Variants in GNAQ observed in about 807,000 individuals in gnomAD.
GNAQ encodes G protein subunit alpha q, also known as guanine nucleotide-binding protein G(q) subunit alpha.
In GNAQ, 8 loss-of-function variants were observed where a neutral mutation model predicts 43.9. The ratio of observed to expected loss-of-function variants is 0.18; its 90% CI spans 0.11 to 0.33. The LOEUF (loss-of-function observed/expected upper bound fraction) is 0.33. GNAQ is among the 10% of genes least tolerant of loss of function. The pLI is 1.00. For missense variants in GNAQ, 158 were observed against 450.8 expected (o/e 0.35, Z 5.88); for synonymous variants, 155 against 170.7 (o/e 0.91, Z 0.71).
intron 1 of GNAQ, among the ~76,000 whole-genome samples, chr9:77,922,699 G>A (rs1829016234): frequency 6.6e-6 from 1 of 152,186 alleles, no homozygotes; most frequent in African/African-American, 2.4e-5. Flanking sequence ...GTTCCCTGGA[G>A]AATATCTGAA....
chr9:77,976,056 G>C (rs770113143), intron 1 of GNAQ, among the ~76,000 whole-genome samples: 1 of 152,176 alleles, frequency 6.6e-6, no homozygotes, highest in Non-Finnish European at 1.5e-5. Flanking sequence ...CCAGTTGCTA[G>C]CAAGCTCCAT....
At chr9:77,758,833 CG>C (rs1825944128) in intron 5 of GNAQ, among the ~76,000 whole-genome samples, 1 of 151,846 alleles carries the variant, frequency 6.6e-6, no homozygotes, top group African/African-American at 2.4e-5. Flanking sequence ...CATCTCTGCA[CG>C]TAAGTTTTTG....
At chr9:77,805,397 A>C (rs144943735) in intron 3 of GNAQ, among the ~76,000 whole-genome samples, 5 of 152,110 alleles carry the variant, frequency 3.3e-5, no homozygotes, top group East Asian at 1.9e-4. Flanking sequence ...TGTTCATAAG[A>C]AGCTTACTTT....
chr9:77,865,669 C>T (rs960288925), intron 2 of GNAQ, among the ~76,000 whole-genome samples: 28 of 152,190 alleles, frequency 1.8e-4, no homozygotes, highest in African/African-American at 6.8e-4. Context: ...CCAGCTCTGC[C>T]AGTCACAGTC....
At chr9:77,884,532 G>T (rs576540461) in intron 2 of GNAQ, among the ~76,000 whole-genome samples, 41 of 152,346 alleles carry the variant, frequency 2.7e-4, no homozygotes, top group Middle Eastern at 6.8e-3. Flanking sequence ...AAGGAGTTAG[G>T]AATCTGAGTT....
intron 3 of GNAQ, among the ~76,000 whole-genome samples, chr9:77,807,684 G>A (rs1034270597): frequency 6.6e-6 from 1 of 152,102 alleles, no homozygotes; most frequent in Admixed American, 6.6e-5. Context: ...GATATCTCTG[G>A]GTTAATTCAG....
At chr9:77,994,850 A>G (rs992930376) in intron 1 of GNAQ, among the ~76,000 whole-genome samples, 1 of 152,198 alleles carries the variant, frequency 6.6e-6, no homozygotes, top group Admixed American at 6.5e-5. Flanking sequence ...CTAGGCCTAA[A>G]TATGGGCCAT....
rs1314251387 is a variant in GNAQ, at chr9:77,896,209, AAG to A, written c.321+25950_321+25951del. On this transcript the variant is annotated intron_variant, in intron 2 of 6. Coordinates refer to ENST00000286548, the MANE Select transcript of GNAQ (RefSeq NM_002072.5). ...TTTTAAAAGTAGAAATTTACAACAA[AAG>A]AAGCTAAATTGGAACACTTGTGAAT... Among the ~76,000 whole-genome samples the A allele has an allele frequency of 2.6e-5, 4 of 152,332 alleles. No individual in the cohort carries two copies. In the East Asian group the frequency reaches 7.7e-4, roughly 29 times the overall value.
At chr9:77,996,141 G>A (rs1048704569) in intron 1 of GNAQ, among the ~76,000 whole-genome samples, 1 of 152,150 alleles carries the variant, frequency 6.6e-6, no homozygotes, top group Non-Finnish European at 1.5e-5. Context: ...AACTGCCAAT[G>A]GTCAGGACAG....
intron 2 of GNAQ, among the ~76,000 whole-genome samples, chr9:77,819,427 G>A (rs78123946): frequency 0.015 from 2,235 of 152,168 alleles, 50 homozygotes; most frequent in African/African-American, 0.051. Context: ...AAGCCTTTAG[G>A]TGAAATGAAA....
chr9:77,919,865 G>C (rs992405279), intron 2 of GNAQ, among the ~76,000 whole-genome samples: 10 of 152,150 alleles, frequency 6.6e-5, no homozygotes, highest in African/African-American at 2.4e-4. Flanking sequence ...CATGAGGCCG[G>C]GAGAGGTGGC....
chr9:77,975,818 G>C (rs1034932521), intron 1 of GNAQ, among the ~76,000 whole-genome samples: 1 of 152,152 alleles, frequency 6.6e-6, no homozygotes, highest in African/African-American at 2.4e-5. Context: ...TTACAGGCGT[G>C]AGCCACTGCG....
intron 2 of GNAQ, among the ~76,000 whole-genome samples, chr9:77,832,079 T>C (rs1286239383): frequency 8.1e-6 from 1 of 123,894 alleles, no homozygotes; most frequent in African/African-American, 2.5e-5. Flanking sequence ...TTTGGAGAGA[T>C]TAGAGCACTT....
intron 2 of GNAQ, 91 bp downstream of exon 2, chr9:77,922,070 T>A (rs1194002118): frequency 1.2e-6 from 1 of 809,272 alleles, no homozygotes; most frequent in Non-Finnish European, 2.0e-6. Flanking sequence ...CCCTATGCAC[T>A]CCAGACATGT....
intron 1 of GNAQ, among the ~76,000 whole-genome samples, chr9:78,000,792 A>G (rs1248120127): frequency 1.3e-5 from 2 of 152,190 alleles, no homozygotes; most frequent in African/African-American, 4.8e-5. Context: ...ATTTGGTAGA[A>G]CTTACTAAAA....
chr9:77,742,415 T>C (rs939648408), intron 5 of GNAQ, among the ~76,000 whole-genome samples: 2 of 152,190 alleles, frequency 1.3e-5, no homozygotes, highest in Non-Finnish European at 2.9e-5. Flanking sequence ...GGCTGTAAAG[T>C]GTTAAGGTTG....
intron 3 of GNAQ, among the ~76,000 whole-genome samples, chr9:77,810,638 A>G (rs1280032389): frequency 6.6e-6 from 1 of 152,228 alleles, no homozygotes; most frequent in African/African-American, 2.4e-5. Flanking sequence ...GCTTCATAAT[A>G]TTTAACAGCC....
At chr9:77,971,420 G>A (rs557003546) in intron 1 of GNAQ, among the ~76,000 whole-genome samples, 2 of 152,268 alleles carry the variant, frequency 1.3e-5, no homozygotes, top group South Asian at 4.1e-4. Context: ...ACATCAAAAA[G>A]CTTATCTACC....
chr9:77,800,024 G>A (rs1004909603), intron 3 of GNAQ, among the ~76,000 whole-genome samples: 3 of 152,182 alleles, frequency 2.0e-5, no homozygotes, highest in Non-Finnish European at 2.9e-5. Context: ...ATAAGAGTTA[G>A]ACGAGCCCAT....
Sources: allele counts gnomAD v4.1 joint callset (sites outside exome capture counted in the v4.1 genomes callset), GRCh38; gene constraint gnomAD v4.1.1; transcripts MANE v1.5; gene names NCBI Gene and HGNC (gene_info 2026-07-23, HGNC 2026-07-21).